The following GLIS1 variants were observed in gnomAD, a reference collection of about 807,000 sequenced individuals.
GLIS1 encodes GLIS family zinc finger 1.
A neutral mutation model predicts 63.8 loss-of-function variants in GLIS1; 24 were observed. The observed-to-expected ratio is 0.38, with a 90% CI of 0.27 to 0.53. The LOEUF (loss-of-function observed/expected upper bound fraction) is 0.53, where lower values mean the gene tolerates loss of function less well. Among genes scored for constraint, GLIS1 ranks in the 20% least tolerant of loss-of-function variants. The pLI is 0.85. For synonymous variants in GLIS1, 450 were observed against 482.5 expected (o/e 0.93, Z 0.88); for missense variants, 1,036 against 1,074.1 (o/e 0.96, Z 0.50).
intron 2 of GLIS1, among the ~76,000 whole-genome samples, chr1:53,703,781 T>C (rs1462077299): frequency 6.6e-6 from 1 of 151,940 alleles, no homozygotes; most frequent in Non-Finnish European, 1.5e-5. Context: ...CCCAAGGCAT[T>C]CAGAGCCCAG....
At chr1:53,733,916 G>T (rs751523250) in intron 2 of GLIS1, 1 of 985,166 alleles carries the variant, frequency 1.0e-6, no homozygotes, top group Admixed American at 6.1e-5. Context: ...TTCTATGAGG[G>T]ATGCGCTAGC....
At chr1:53,567,974 C>G (rs1644950586) in intron 4 of GLIS1, among the ~76,000 whole-genome samples, 2 of 152,234 alleles carry the variant, frequency 1.3e-5, no homozygotes, top group South Asian at 4.1e-4. Context: ...TTGGAGCCCC[C>G]ACACAGAGCC....
intron 10 of GLIS1, among the ~76,000 whole-genome samples, chr1:53,508,365 C>T (rs1433288267): frequency 1.3e-5 from 2 of 152,214 alleles, no homozygotes; most frequent in East Asian, 3.8e-4. Context: ...CCTCCACCCT[C>T]CCGCTCACTA....
At chr1:53,659,835 G>C (rs1020026127) in intron 2 of GLIS1, among the ~76,000 whole-genome samples, 3 of 152,222 alleles carry the variant, frequency 2.0e-5, no homozygotes, top group African/African-American at 7.2e-5. Context: ...GGATTAATGA[G>C]ATGAAAGAGA....
intron 2 of GLIS1, among the ~76,000 whole-genome samples, chr1:53,614,409 G>A (rs188793292): frequency 6.6e-6 from 1 of 152,160 alleles, no homozygotes; most frequent in Non-Finnish European, 1.5e-5. Context: ...AGGACCCGAG[G>A]CTGGAGTGCG....
chr1:53,734,253 G>C, intron 2 of GLIS1: 6 of 953,410 alleles, frequency 6.3e-6, no homozygotes, highest in Non-Finnish European at 7.5e-6. Flanking sequence ...TCATTATCTG[G>C]TTTGGTGTGG....
At position 53,598,891 on chromosome 1, in the gene GLIS1, C is replaced by G. The variant is rs1645288020; in HGVS notation, c.437+1210G>C. On this transcript the variant is annotated intron_variant, in intron 3 of 10. Coordinates refer to ENST00000628545, the MANE Select transcript of GLIS1 (RefSeq NM_001367484.1). The surrounding 1 kb of genome is among the most constrained non-coding windows in gnomAD (Gnocchi z 4.6). ...GAATTTATCCACTGTGGAGCTCTCACGAGAACGTAAACTCCATCAGGAGAG... is the reference window on the plus strand; with the variant it reads ...GAATTTATCCACTGTGGAGCTCTCAGGAGAACGTAAACTCCATCAGGAGAG... 6.6e-6 allele frequency among the ~76,000 whole-genome samples: 1 copy of G among 152,236 alleles called. No individual in the cohort carries two copies. Among genetic ancestry groups the G allele is most frequent in the African/African-American group, 2.4e-5 (1 of 41,458 alleles).
intron 2 of GLIS1, among the ~76,000 whole-genome samples, chr1:53,721,054 TA>T (rs150210253): frequency 0.11 from 16,642 of 151,832 alleles, 1,071 homozygotes; most frequent in East Asian, 0.23. Flanking sequence ...ATTAAATGAC[TA>T]AAAGGAAAAC....
chr1:53,738,775 A>C (rs761489), intron 1 of GLIS1, among the ~76,000 whole-genome samples: 10,481 of 152,208 alleles, frequency 0.069, 451 homozygotes, highest in Non-Finnish European at 0.091. Flanking sequence ...AAACCGGCAC[A>C]GTGGGCAATG....
intron 2 of GLIS1, among the ~76,000 whole-genome samples, chr1:53,719,570 C>A (rs1646732825): frequency 6.6e-6 from 1 of 152,156 alleles, no homozygotes. Context: ...ACCCACAATG[C>A]CTACACTAAT....
chr1:53,507,930 A>T (rs1644252468), intron 10 of GLIS1, among the ~76,000 whole-genome samples: 1 of 152,178 alleles, frequency 6.6e-6, no homozygotes, highest in South Asian at 2.1e-4. Flanking sequence ...ACAGACACAG[A>T]GCACCCGTCT....
At chr1:53,663,628 G>A (rs1220140489) in intron 2 of GLIS1, among the ~76,000 whole-genome samples, 1 of 152,200 alleles carries the variant, frequency 6.6e-6, no homozygotes, top group Admixed American at 6.5e-5. Flanking sequence ...CTGTCCTGTG[G>A]AGTGAGCCAT....
intron 2 of GLIS1, among the ~76,000 whole-genome samples, chr1:53,635,578 GA>G (rs1310584719): frequency 6.6e-6 from 1 of 150,762 alleles, no homozygotes; most frequent in East Asian, 1.9e-4. Flanking sequence ...AGTAGCAAGA[GA>G]AACTATAAAG....
rs1645284996 is a variant in GLIS1 at position 53,598,569 on chromosome 1, A to G, written c.437+1532T>C. Among the ~76,000 whole-genome samples, 1 of 151,800 alleles carries G rather than the reference A, an allele frequency of 6.6e-6. No individual in the cohort carries two copies. Among genetic ancestry groups the G allele is most frequent in the African/African-American group, 2.4e-5 (1 of 41,326 alleles). ...AAAGGAGGAATTAGGGCACAGGCCG[A>G]GGGATGGCCACGTGAGTACTCAGCG... On this transcript the variant is annotated intron_variant, in intron 3 of 10. Coordinates refer to ENST00000628545, the MANE Select transcript of GLIS1 (RefSeq NM_001367484.1). This position sits in a 1 kb window ranked among gnomAD's most constrained non-coding sequence, Gnocchi z 4.6.
chr1:53,529,871 G>A lies in GLIS1; in HGVS notation c.1402C>T (p.Leu468=). 1.2e-6 allele frequency: 2 copies of A among 1,613,972 alleles called. No homozygotes were observed. The highest frequency in any genetic ancestry group is 1.7e-6 in the Non-Finnish European group (2 of 1,179,984). The change falls in exon 5 of 11, where the codon CTG becomes TTG. Residue 468 remains leucine, a synonymous_variant. Coordinates refer to ENST00000628545, the MANE Select transcript of GLIS1 (RefSeq NM_001367484.1). ...TTCTGGCAACCCGGGTGCTGGCACA[G>A]GTACGGCTTCTCGCCCGTGTGGCTC... is the stretch of plus-strand genomic sequence containing the variant. ...LRSHTGEKPY[L]CQHPGCQKAF... is the part of the protein sequence containing the mutation.
chr1:53,558,597 G>A (rs1350529614), intron 4 of GLIS1, among the ~76,000 whole-genome samples: 1 of 152,176 alleles, frequency 6.6e-6, no homozygotes, highest in African/African-American at 2.4e-5. Flanking sequence ...CCCTTCTCCA[G>A]TGTCTGGCTT....
At chr1:53,553,967 C>T (rs1248887005) in intron 4 of GLIS1, among the ~76,000 whole-genome samples, 1 of 152,130 alleles carries the variant, frequency 6.6e-6, no homozygotes, top group East Asian at 1.9e-4. Context: ...GGGGACAGGG[C>T]TCCCTAAGAT....
At chr1:53,636,824 T>A (rs899029623) in intron 2 of GLIS1, among the ~76,000 whole-genome samples, 2 of 152,218 alleles carry the variant, frequency 1.3e-5, no homozygotes, top group African/African-American at 4.8e-5. Flanking sequence ...ACTCTCCACC[T>A]GCGCTGTTTC....
At chr1:53,658,060 T>C (rs1183409397) in intron 2 of GLIS1, among the ~76,000 whole-genome samples, 4 of 151,708 alleles carry the variant, frequency 2.6e-5, no homozygotes, top group African/African-American at 9.7e-5. Context: ...CACCCACCAC[T>C]CCCCTATCCA....
Sources: gnomAD v4.1 joint callset for allele counts (sites outside exome capture counted in the v4.1 genomes callset) on GRCh38, gnomAD v4.1.1 for gene constraint, Gnocchi (gnomAD v3.1) non-coding constraint, MANE v1.5 for transcripts, NCBI Gene and HGNC (gene_info 2026-07-23, HGNC 2026-07-21) for gene names.